The following IGSF10 variants were observed in gnomAD, a reference collection of about 807,000 sequenced individuals.
IGSF10 encodes the protein calvaria mechanical force protein 608.
Under a neutral mutation model 128.2 loss-of-function variants are expected in IGSF10, and 126 were observed. The observed-to-expected ratio is 0.98, with a 90% confidence interval of 0.85 to 1.14. The LOEUF is 1.14. Among genes scored for constraint, IGSF10 ranks in the 50% most tolerant of loss-of-function variants. The probability of loss-of-function intolerance (pLI) is 0.00; values close to 1 mark genes in which losing one functional copy is unlikely to be tolerated. For synonymous variants in IGSF10, 1,185 were observed against 1,146.2 expected (o/e 1.03, Z -0.68); for missense variants, 3,295 against 3,149.8 (o/e 1.05, Z -1.10).
At chr3:151,509,364 T>C in the IGSF10 span, among the ~76,000 whole-genome samples, 2 of 152,242 alleles carry the variant, frequency 1.3e-5, no homozygotes, top group South Asian at 2.1e-4. Flanking sequence ...ATCAGTGCTA[T>C]ACACCTAAAT....
the IGSF10 span, among the ~76,000 whole-genome samples, chr3:151,539,131 A>G: frequency 6.6e-6 from 1 of 152,156 alleles, no homozygotes; most frequent in Non-Finnish European, 1.5e-5. Flanking sequence ...GCAAATACAG[A>G]TCCCTAGAAT....
chr3:151,558,027 A>ATATTATATATATATAATATATATATATAT, the IGSF10 span, among the ~76,000 whole-genome samples: 25 of 52,922 alleles, frequency 4.7e-4, 3 homozygotes, highest in African/African-American at 1.7e-3. Context: ...TAATATATAT[A>ATATTATATATATATAATATATATATATAT]TTGGTACAAT....
Position 151,442,977 on chromosome 3 carries a change from G to T in IGSF10, c.5963+7C>A, listed in dbSNP as rs1720946935. ...CAGATAATTCCAACCCAAAGGTATA[G>T]ACTTACCTATGCTGCTGGTCGACCA... On this transcript the variant is annotated splice_region_variant and intron_variant, in intron 7 of 7. Coordinates refer to ENST00000282466, the MANE Select transcript of IGSF10 (RefSeq NM_178822.5). 1 of 1,610,874 alleles carries T rather than the reference G, an allele frequency of 6.2e-7. No homozygotes were observed. The highest frequency in any genetic ancestry group is 8.5e-7 in the Non-Finnish European group (1 of 1,178,322).
the IGSF10 span, among the ~76,000 whole-genome samples, chr3:151,618,020 T>C: frequency 1.3e-5 from 2 of 152,236 alleles, no homozygotes; most frequent in African/African-American, 4.8e-5. Context: ...TGAATGTTCA[T>C]GTTCCCTCAC....
At chr3:151,588,541 C>A in the IGSF10 span, among the ~76,000 whole-genome samples, 1 of 152,128 alleles carries the variant, frequency 6.6e-6, no homozygotes, top group Non-Finnish European at 1.5e-5. Context: ...TGTATAATTT[C>A]AGGGGCATGC....
At chr3:151,561,577 A>G in the IGSF10 span, among the ~76,000 whole-genome samples, 1 of 152,184 alleles carries the variant, frequency 6.6e-6, no homozygotes, top group East Asian at 1.9e-4. Flanking sequence ...TGTAATATGT[A>G]TATCTATGTA....
the IGSF10 span, among the ~76,000 whole-genome samples, chr3:151,491,286 G>A: frequency 6.6e-6 from 1 of 152,112 alleles, no homozygotes; most frequent in Non-Finnish European, 1.5e-5. Flanking sequence ...AACTTGCCAA[G>A]ATTGAGTTGA....
At chr3:151,506,437 A>G in the IGSF10 span, among the ~76,000 whole-genome samples, 1 of 152,226 alleles carries the variant, frequency 6.6e-6, no homozygotes, top group South Asian at 2.1e-4. Context: ...TTAATTGGCT[A>G]TTTTGAAACT....
the IGSF10 span, among the ~76,000 whole-genome samples, chr3:151,570,240 G>C: frequency 6.6e-6 from 1 of 152,126 alleles, no homozygotes; most frequent in African/African-American, 2.4e-5. Context: ...AATCCTTTGG[G>C]TATATACCCA....
chr3:151,501,110 G>A, the IGSF10 span, among the ~76,000 whole-genome samples: 1 of 152,150 alleles, frequency 6.6e-6, no homozygotes, highest in East Asian at 1.9e-4. Flanking sequence ...GATTATAAGC[G>A]TGTGGATAAT....
the IGSF10 span, among the ~76,000 whole-genome samples, chr3:151,569,048 T>C: frequency 3.4e-3 from 521 of 152,272 alleles, 2 homozygotes; most frequent in African/African-American, 0.012. Flanking sequence ...GCATTTCTAT[T>C]GCAACAATAC....
chr3:151,549,327 G>A, the IGSF10 span, among the ~76,000 whole-genome samples: 16 of 152,140 alleles, frequency 1.1e-4, no homozygotes, highest in Non-Finnish European at 1.9e-4. Flanking sequence ...TACCAGCCCA[G>A]AGATCCTCTA....
At chr3:151,618,893 TAAAC>T in the IGSF10 span, among the ~76,000 whole-genome samples, 2 of 151,230 alleles carry the variant, frequency 1.3e-5, no homozygotes, top group Non-Finnish European at 2.9e-5. Flanking sequence ...TGTAAATAAA[TAAAC>T]AGAGATGTGA....
At chr3:151,474,704 C>A in the IGSF10 span, among the ~76,000 whole-genome samples, 11 of 152,262 alleles carry the variant, frequency 7.2e-5, no homozygotes, top group African/African-American at 2.6e-4. Flanking sequence ...CAAGACTGGG[C>A]AATTTACAGA....
chr3:151,603,858 ACAGT>A, the IGSF10 span, among the ~76,000 whole-genome samples: 1 of 152,208 alleles, frequency 6.6e-6, no homozygotes, highest in Non-Finnish European at 1.5e-5. Flanking sequence ...CAGTTCAAAA[ACAGT>A]CAGGCAGAAA....
the IGSF10 span, among the ~76,000 whole-genome samples, chr3:151,539,111 G>A: frequency 1.3e-4 from 20 of 152,162 alleles, no homozygotes; most frequent in Admixed American, 3.3e-4. Flanking sequence ...ATTTTGGTAA[G>A]GCTAGACCTG....
the IGSF10 span, among the ~76,000 whole-genome samples, chr3:151,508,738 A>G: frequency 2.6e-5 from 4 of 152,212 alleles, no homozygotes; most frequent in African/African-American, 9.6e-5. Context: ...CCCATGGAGC[A>G]TCCAAAAGAG....
chr3:151,455,907 T>C (rs1251121195), intron 4 of IGSF10, among the ~76,000 whole-genome samples: 1 of 152,236 alleles, frequency 6.6e-6, no homozygotes, highest in Non-Finnish European at 1.5e-5. Context: ...CTCATCATAT[T>C]TTCCTGACTT....
the IGSF10 span, among the ~76,000 whole-genome samples, chr3:151,539,250 G>A: frequency 1.1e-4 from 16 of 152,148 alleles, no homozygotes; most frequent in Non-Finnish European, 1.9e-4. Flanking sequence ...TGCTTCCCAC[G>A]TGGAGGCTTG....
Sources: allele counts gnomAD v4.1 joint callset (sites outside exome capture counted in the v4.1 genomes callset), GRCh38; gene constraint gnomAD v4.1.1; transcripts MANE v1.5; gene names NCBI Gene and HGNC (gene_info 2026-07-23, HGNC 2026-07-21).